The following CRTC1 variants were observed in gnomAD, a reference collection of about 807,000 sequenced individuals.
CRTC1 encodes CREB regulated transcription coactivator 1, also known as CREB-regulated transcription coactivator 1.
A neutral mutation model predicts 66.1 loss-of-function variants in CRTC1; 18 were observed. The ratio of observed to expected loss-of-function variants is 0.27; its 90% CI spans 0.19 to 0.40. The LOEUF is 0.40. CRTC1 is among the 10% of genes least tolerant of loss of function. CRTC1 has a pLI of 1.00. For missense variants in CRTC1, 669 were observed against 887.9 expected, an observed-to-expected ratio of 0.75 and a Z score of 3.13; for synonymous variants, 416 against 398.8, an observed-to-expected ratio of 1.04 and a Z score of -0.51.
At chr19:18,745,504 G>A (rs1216536825) in intron 2 of CRTC1, among the ~76,000 whole-genome samples, 5 of 152,186 alleles carry the variant, frequency 3.3e-5, no homozygotes, top group East Asian at 1.9e-4. Context: ...TGCCTAGGCC[G>A]GCTACATCCC....
At chr19:18,775,070 G>A in intron 12 of CRTC1, 84 bp downstream of exon 12, 1 of 1,383,612 alleles carries the variant, frequency 7.2e-7, no homozygotes, top group South Asian at 1.2e-5. Context: ...GGCCTTGCGA[G>A]TCAGAGCTGC....
At position 18,760,345 on chromosome 19, in the gene CRTC1, T is replaced by C. The variant is rs1600973705; in HGVS notation, c.886+117T>C. 1.1e-5 allele frequency: 10 copies of C among 901,410 alleles called. No homozygotes were observed. In the East Asian group the frequency reaches 2.7e-4, roughly 24 times the overall value. 55.8% of individuals were successfully genotyped at this position (901,410 alleles called of 1,614,324 possible). A position where few individuals can be genotyped will look rare whatever the true frequency, so the allele number is the denominator to read the frequency against. On this transcript the variant is annotated intron_variant, in intron 8 of 13. Transcript: ENST00000321949. The surrounding 1 kb of genome is among the most constrained non-coding windows in gnomAD (Gnocchi z 6.2). ...AATACTAGGGCATGGGGGACAGGGC[T>C]GGGGGGCGGCCGACAGGCTGACCCA...
chr19:18,689,583 A>ATATATATATATATATATATATATG lies in CRTC1; in HGVS notation c.126+5758_126+5759insATATATATATATATATATATGTAT, dbSNP rs60084986. ...GATGGCCATATATATATATATATAT[A>ATATATATATATATATATATATATG]TATGTAATATAACACTTACCATTTT... On this transcript the variant is annotated intron_variant, in intron 1 of 13. Transcript: ENST00000321949. Among the ~76,000 whole-genome samples, 424 of 65,412 alleles carry ATATATATATATATATATATATATG rather than the reference A, an allele frequency of 6.5e-3. 2 individuals are homozygous for ATATATATATATATATATATATATG. The highest frequency in any genetic ancestry group is 0.01 in the African/African-American group (104 of 10,332). 42.9% of individuals were successfully genotyped at this position (65,412 alleles called of 152,430 possible).
At chr19:18,761,679 T>G in intron 8 of CRTC1, among the ~76,000 whole-genome samples, 1 of 151,048 alleles carries the variant, frequency 6.6e-6, no homozygotes, top group African/African-American at 2.4e-5. Context: ...GACTCCAGGG[T>G]GAAATTGGCC....
chr19:18,729,514 T>G (rs71332137), intron 1 of CRTC1, among the ~76,000 whole-genome samples: 44,763 of 150,272 alleles, frequency 0.3, 6,683 homozygotes, highest in African/African-American at 0.32. Context: ...GGAGGCCGAG[T>G]CAGGAGGATC....
intron 1 of CRTC1, among the ~76,000 whole-genome samples, chr19:18,696,587 A>G (rs1223096431): frequency 6.6e-6 from 1 of 152,118 alleles, no homozygotes; most frequent in Non-Finnish European, 1.5e-5. Flanking sequence ...GTCTGACTCC[A>G]AGGCCCATGC....
intron 8 of CRTC1, among the ~76,000 whole-genome samples, chr19:18,763,860 C>T (rs1343421912): frequency 3.9e-5 from 6 of 152,218 alleles, no homozygotes; most frequent in Non-Finnish European, 7.3e-5. Context: ...GCCTGCTGGA[C>T]GCACGAAGTG....
At chr19:18,684,635 G>C (rs903097163) in intron 1 of CRTC1, among the ~76,000 whole-genome samples, 6 of 152,164 alleles carry the variant, frequency 3.9e-5, no homozygotes, top group Non-Finnish European at 8.8e-5. Context: ...GCCAGGTGAT[G>C]TTCCTCCCAG....
At chr19:18,697,606 G>A (rs901040498) in intron 1 of CRTC1, among the ~76,000 whole-genome samples, 2 of 152,206 alleles carry the variant, frequency 1.3e-5, no homozygotes, top group African/African-American at 4.8e-5. Flanking sequence ...CAATGCTCTT[G>A]GCCCAACCTG....
At chr19:18,756,088 C>T (rs936927059) in intron 6 of CRTC1, among the ~76,000 whole-genome samples, 3 of 151,666 alleles carry the variant, frequency 2.0e-5, no homozygotes, top group African/African-American at 4.8e-5. Context: ...AATCCCAGCA[C>T]TTTGGGAGGC....
chr19:18,755,088 A>G (rs552406748), intron 6 of CRTC1, among the ~76,000 whole-genome samples: 2 of 151,154 alleles, frequency 1.3e-5, no homozygotes, highest in South Asian at 2.1e-4. Flanking sequence ...GGTTCAAGCG[A>G]AGTGATTCTC....
At chr19:18,747,021 G>A (rs754200059) in intron 3 of CRTC1, 32 bp from the exon 4 acceptor site, 18 of 1,607,982 alleles carry the variant, frequency 1.1e-5, no homozygotes, top group Non-Finnish European at 1.4e-5. Flanking sequence ...CGGGGTCTCA[G>A]CCAGTGGCAC....
chr19:18,711,341 A>G (rs1404527153), intron 1 of CRTC1, among the ~76,000 whole-genome samples: 1 of 151,776 alleles, frequency 6.6e-6, no homozygotes, highest in Non-Finnish European at 1.5e-5. Flanking sequence ...GCCGCTTTGA[A>G]GGGGAGCATG....
intron 1 of CRTC1, among the ~76,000 whole-genome samples, chr19:18,739,744 G>T (rs1304595144): frequency 6.6e-6 from 1 of 152,192 alleles, no homozygotes; most frequent in Non-Finnish European, 1.5e-5. Flanking sequence ...AGGTCTGTGG[G>T]GGCAGAGCCC....
intron 1 of CRTC1, among the ~76,000 whole-genome samples, chr19:18,687,588 T>C (rs1049281981): frequency 1.3e-5 from 2 of 152,104 alleles, no homozygotes; most frequent in African/African-American, 4.8e-5. Flanking sequence ...CTGCCTCCCA[T>C]ACTGTAGACA....
intron 1 of CRTC1, among the ~76,000 whole-genome samples, chr19:18,686,607 A>T (rs1298585051): frequency 6.6e-6 from 1 of 152,228 alleles, no homozygotes; most frequent in Non-Finnish European, 1.5e-5. Context: ...AGATTGTGTC[A>T]CTGTACTCCA....
chr19:18,760,688 C>T lies in CRTC1; in HGVS notation c.886+460C>T, dbSNP rs2054593934. Among the ~76,000 whole-genome samples, 1 of 152,062 alleles carries T rather than the reference C, an allele frequency of 6.6e-6. No individual in the cohort carries two copies. ...CCCGTCTCCAGCTCCACACTCCTTT[C>T]TTCCTCAGCCACATCCACAGGGACG... is the stretch of plus-strand genomic sequence containing the variant. On this transcript the variant is annotated intron_variant, in intron 8 of 13. Coordinates refer to ENST00000321949, the MANE Select transcript of CRTC1 (RefSeq NM_015321.3). The surrounding 1 kb of genome is among the most constrained non-coding windows in gnomAD (Gnocchi z 6.2).
chr19:18,721,254 C>T (rs1298101404), intron 1 of CRTC1, among the ~76,000 whole-genome samples: 2 of 147,556 alleles, frequency 1.4e-5, no homozygotes, highest in East Asian at 2.0e-4. Flanking sequence ...AGGGCAGTGG[C>T]GCGATCTCGG....
intron 1 of CRTC1, among the ~76,000 whole-genome samples, chr19:18,722,513 C>T (rs1190944555): frequency 1.3e-5 from 2 of 152,212 alleles, no homozygotes; most frequent in African/African-American, 2.4e-5. Context: ...GGAGAAGACA[C>T]AGGCACACAG....
Sources: gnomAD v4.1 joint callset for allele counts (sites outside exome capture counted in the v4.1 genomes callset) on GRCh38, gnomAD v4.1.1 for gene constraint, Gnocchi (gnomAD v3.1) non-coding constraint, MANE v1.5 for transcripts, NCBI Gene and HGNC (gene_info 2026-07-23, HGNC 2026-07-21) for gene names.